Variants in ANKRD36C observed in about 807,000 individuals in gnomAD.
The protein encoded by ANKRD36C is ankyrin repeat domain-containing protein 36C.
In ANKRD36C, 61 loss-of-function variants were observed where a neutral mutation model predicts 276.4. That is an observed-to-expected ratio of 0.22 (90% CI 0.18 to 0.27). The LOEUF (loss-of-function observed/expected upper bound fraction) is 0.27. Among genes scored for constraint, ANKRD36C ranks in the 10% least tolerant of loss-of-function variants. ANKRD36C has a pLI of 1.00. For synonymous variants in ANKRD36C, 483 were observed against 680.1 expected, an observed-to-expected ratio of 0.71 and a Z score of 4.51; for missense variants, 1,447 against 2,032.3, an observed-to-expected ratio of 0.71 and a Z score of 5.54.
chr2:95,876,754 G>A lies in ANKRD36C; in HGVS notation c.3470-245C>T, dbSNP rs1328112536. Among the ~76,000 whole-genome samples the A allele has an allele frequency of 3.4e-5, 5 of 145,094 alleles. No homozygotes were observed. In the East Asian group the frequency reaches 8.9e-4, roughly 26 times the overall value. On this transcript the variant is annotated intron_variant, in intron 58 of 66. Coordinates refer to ENST00000456556, the Ensembl canonical transcript of ANKRD36C. ...GTAGTCCCAGCTAGTCGGGAGGCTG[G>A]TGCAGGAGAATGGCGTGAGCCCGGG...
chr2:95,859,736 A>G (rs1210795271), intron 61 of ANKRD36C, 125 bp downstream of exon 81: 2 of 1,130,214 alleles, frequency 1.8e-6, no homozygotes, highest in Non-Finnish European at 2.5e-6. Flanking sequence ...TTCACACTCC[A>G]TAAGATTAAG....
intron 46 of ANKRD36C, among the ~76,000 whole-genome samples, chr2:95,891,116 T>C (rs1011523575): frequency 2.0e-5 from 3 of 151,362 alleles, no homozygotes; most frequent in Non-Finnish European, 3.0e-5. Flanking sequence ...ATATTCCAAA[T>C]GCATCTGAAG....
chr2:95,892,386 C>A (rs1676395109), intron 44 of ANKRD36C, among the ~76,000 whole-genome samples: 1 of 151,496 alleles, frequency 6.6e-6, no homozygotes. Context: ...CTAAATTGAT[C>A]ACTTTGGATA....
At position 95,886,038 on chromosome 2, in the gene ANKRD36C, T is replaced by A. The variant is rs1676193804; in HGVS notation, c.3163+10A>T. On this transcript the variant is annotated intron_variant, in intron 52 of 66. Coordinates refer to ENST00000456556, the Ensembl canonical transcript of ANKRD36C. Reference sequence around the variant, plus strand: ...ATCGAACATTACATTAAAGGTGTATTCCAAAATACCTGTCCCACGTATTTG... The same window carrying A: ...ATCGAACATTACATTAAAGGTGTATACCAAAATACCTGTCCCACGTATTTG... The A allele has an allele frequency of 6.2e-7, 1 of 1,606,464 alleles. No homozygotes were observed. The highest frequency in any genetic ancestry group is 8.5e-7 in the Non-Finnish European group (1 of 1,175,858).
At chr2:95,873,682 A>G (rs2104302862) in intron 59 of ANKRD36C, among the ~76,000 whole-genome samples, 1 of 152,378 alleles carries the variant, frequency 6.6e-6, no homozygotes, top group African/African-American at 2.4e-5. Flanking sequence ...GGCCAGGGCC[A>G]TTAGGCAGGA....
chr2:95,922,768 C>T (rs1432439635), intron 32 of ANKRD36C, among the ~76,000 whole-genome samples: 1 of 151,580 alleles, frequency 6.6e-6, no homozygotes, highest in Non-Finnish European at 1.5e-5. Flanking sequence ...TATTGATATT[C>T]AAGTTTATCT....
intron 3 of ANKRD36C, among the ~76,000 whole-genome samples, chr2:95,985,045 G>A (rs183152605): frequency 9.2e-5 from 14 of 152,236 alleles, no homozygotes; most frequent in African/African-American, 2.9e-4. Context: ...AGAGAACCCC[G>A]CTTTTAATAA....
chr2:95,916,253 C>T (rs753958232), intron 36 of ANKRD36C, 82 bp from the exon 39 acceptor site: 22 of 1,577,730 alleles, frequency 1.4e-5, no homozygotes, highest in Admixed American at 1.1e-4. Flanking sequence ...TTAGCATCAA[C>T]CTCTGAACTC....
At chr2:95,910,838 G>C (rs1676896945) in intron 42 of ANKRD36C, among the ~76,000 whole-genome samples, 2 of 151,540 alleles carry the variant, frequency 1.3e-5, no homozygotes, top group Admixed American at 6.6e-5. Flanking sequence ...ATCTCAACGT[G>C]CATAGGCCAA....
intron 59 of ANKRD36C, 73 bp from the exon 80 acceptor site, chr2:95,867,654 G>T: frequency 6.5e-7 from 1 of 1,532,544 alleles, no homozygotes; most frequent in Non-Finnish European, 8.8e-7. Context: ...ACAGAAGTGG[G>T]AATTGCCCAT....
intron 44 of ANKRD36C, among the ~76,000 whole-genome samples, chr2:95,894,839 G>A (rs1183848454): frequency 1.3e-5 from 2 of 151,152 alleles, no homozygotes; most frequent in Non-Finnish European, 3.0e-5. Flanking sequence ...ATTGTTTATG[G>A]AAATGTTCCA....
In ANKRD36C at chr2:95,858,788, A is replaced by G. The variant is rs1263366335; in HGVS notation, c.3896+1073T>C. On this transcript the variant is annotated intron_variant, in intron 61 of 66. Transcript: ENST00000456556. ...AATATGTTACCCTACACTTTTTAAG[A>G]TTGTTTTTTGGGTAACACTTTCAGT... is the stretch of plus-strand genomic sequence containing the variant. Among the ~76,000 whole-genome samples, 7 of 152,094 alleles carry G rather than the reference A, an allele frequency of 4.6e-5. No homozygotes were observed. The East Asian group carries it at 1.3e-3, about 29-fold the overall frequency.
At chr2:95,857,146 A>G (rs961052578) in intron 62 of ANKRD36C, among the ~76,000 whole-genome samples, 163 bp downstream of exon 82, 28 of 152,246 alleles carry the variant, frequency 1.8e-4, no homozygotes, top group Admixed American at 7.9e-4. Flanking sequence ...ATATTTCAAG[A>G]TTTATTATAA....
At chr2:95,907,665 T>A (rs1676782272) in intron 42 of ANKRD36C, among the ~76,000 whole-genome samples, 1 of 143,084 alleles carries the variant, frequency 7.0e-6, no homozygotes, top group Admixed American at 6.9e-5. Flanking sequence ...CATTCTTGTG[T>A]CTAAAATACT....
Position 95,880,378 on chromosome 2 carries a change from C to T in ANKRD36C, c.3469+49G>A, listed in dbSNP as rs925102524. The T allele has an allele frequency of 5.3e-5, 69 of 1,309,186 alleles. No individual in the cohort carries two copies. The East Asian group carries it at 1.6e-3, about 31-fold the overall frequency. 81.1% of individuals were successfully genotyped at this position (1,309,186 alleles called of 1,614,324 possible). A position where few individuals can be genotyped will look rare whatever the true frequency, so the allele number is the denominator to read the frequency against. On this transcript the variant is annotated intron_variant, in intron 58 of 66. Coordinates refer to ENST00000456556, the Ensembl canonical transcript of ANKRD36C. ...ATAGAAAGACTATGAGCATTACAAA[C>T]AGATTAATGTACTTCTTTCCAGAGT...
intron 44 of ANKRD36C, among the ~76,000 whole-genome samples, chr2:95,895,843 C>T (rs1297738862): frequency 2.0e-5 from 3 of 150,810 alleles, no homozygotes; most frequent in Non-Finnish European, 4.4e-5. Context: ...AAAATAAAAC[C>T]GTGTCAATAT....
intron 6 of ANKRD36C, among the ~76,000 whole-genome samples, chr2:95,970,111 T>A (rs754396676): frequency 6.6e-5 from 10 of 152,166 alleles, no homozygotes; most frequent in Non-Finnish European, 1.3e-4. Flanking sequence ...TCAAAAAATC[T>A]AGATCTATGA....
chr2:95,903,547 G>A (rs1409924987), intron 42 of ANKRD36C, among the ~76,000 whole-genome samples: 4 of 151,490 alleles, frequency 2.6e-5, no homozygotes, highest in Admixed American at 6.6e-5. Context: ...ACACAATTAC[G>A]ACGACAATTC....
intron 38 of ANKRD36C, 77 bp downstream of exon 40, chr2:95,915,903 C>A (rs1045027405): frequency 4.1e-6 from 6 of 1,480,830 alleles, no homozygotes; most frequent in East Asian, 2.7e-5. Flanking sequence ...CTTCGACCAG[C>A]CCCCCACTGA....
Sources: gnomAD v4.1 joint callset for allele counts (sites outside exome capture counted in the v4.1 genomes callset) on GRCh38, gnomAD v4.1.1 for gene constraint, MANE v1.5 for transcripts, NCBI Gene and HGNC (gene_info 2026-07-23, HGNC 2026-07-21) for gene names.